Variants in UNC13C observed in about 807,000 individuals in gnomAD.
The protein encoded by UNC13C is protein unc-13 homolog C.
UNC13C carries 174 observed loss-of-function variants against 245.4 expected under a neutral mutation model. That is an observed-to-expected ratio of 0.71 (90% CI 0.63 to 0.80). UNC13C has a LOEUF of 0.80. UNC13C is among the 30% of genes least tolerant of loss of function. The probability of loss-of-function intolerance (pLI) is 0.00; values close to 1 mark genes in which losing one functional copy is unlikely to be tolerated. For missense variants in UNC13C, 2,829 were observed against 2,602.9 expected (o/e 1.09, Z -1.89); for synonymous variants, 992 against 895.1 (o/e 1.11, Z -1.93).
chr15:54,264,387 C>G lies in UNC13C; in HGVS notation c.3668C>G (p.Thr1223Ser), dbSNP rs1207085415. ...ACATCTAAGTGGTCTGCAAAAATAA[C>G]CATTACAGGTAAAAATAAGTCTTCT... ...DGTSKWSAKITITVVSAQGLQ... is the reference protein window; with the variant it reads ...DGTSKWSAKISITVVSAQGLQ... The change falls in exon 9 of 33, where the codon ACC (threonine) becomes AGC (serine). Residue 1223 changes from threonine to serine, a missense_variant. Physicochemically the swap from Thr to Ser is moderately conservative, Grantham distance 58. Coordinates refer to ENST00000260323, the MANE Select transcript of UNC13C (RefSeq NM_001080534.3). 6.3e-7 allele frequency: 1 copy of G among 1,585,070 alleles called. No homozygotes were observed. Among genetic ancestry groups the G allele is most frequent in the South Asian group, 1.2e-5 (1 of 86,632 alleles).
chr15:54,049,159 C>T (rs1897166961), intron 2 of UNC13C: 1 of 415,430 alleles, frequency 2.4e-6, no homozygotes, highest in East Asian at 6.2e-5. Flanking sequence ...TTTCCATCAT[C>T]TAATAGTTTT....
the UNC13C span, among the ~76,000 whole-genome samples, chr15:53,857,569 A>G: frequency 6.2e-4 from 95 of 152,142 alleles, no homozygotes; most frequent in Non-Finnish European, 1.3e-3. Context: ...GCTTTAGCAA[A>G]TTATTATTGC....
At chr15:54,499,343 C>G (rs1436359427) in intron 20 of UNC13C, among the ~76,000 whole-genome samples, 1 of 152,076 alleles carries the variant, frequency 6.6e-6, no homozygotes, top group African/African-American at 2.4e-5. Flanking sequence ...ATCAAAGCAC[C>G]TCCTACCAGG....
the UNC13C span, among the ~76,000 whole-genome samples, chr15:53,959,482 CT>C: frequency 6.6e-6 from 1 of 152,132 alleles, no homozygotes; most frequent in Non-Finnish European, 1.5e-5. Context: ...AATAGCCATT[CT>C]AACTAGCCTG....
chr15:54,525,412 C>CAA (rs75531604), intron 24 of UNC13C, 137 bp from the exon 25 acceptor site: 660 of 394,018 alleles, frequency 1.7e-3, no homozygotes, highest in South Asian at 2.3e-3. Flanking sequence ...TTTCAAAGAC[C>CAA]AAAAAAAAAA....
intron 22 of UNC13C, among the ~76,000 whole-genome samples, chr15:54,501,384 G>A (rs991568531): frequency 6.6e-6 from 1 of 152,086 alleles, no homozygotes; most frequent in East Asian, 1.9e-4. Flanking sequence ...ACTGATTTCT[G>A]ATTACAAATC....
At chr15:54,385,857 G>A (rs1390789269) in intron 17 of UNC13C, among the ~76,000 whole-genome samples, 1 of 151,984 alleles carries the variant, frequency 6.6e-6, no homozygotes, top group Non-Finnish European at 1.5e-5. Context: ...AATAAAAGGA[G>A]AAAAAAGAAT....
chr15:54,004,010 GAAACAAACAAACAAACA>G (rs917573268), intron 1 of UNC13C, among the ~76,000 whole-genome samples: 2 of 152,004 alleles, frequency 1.3e-5, no homozygotes, highest in East Asian at 1.9e-4. Context: ...GACTCCATCT[GAAACAAACAAACAAACA>G]AAACAAACAA....
rs199806956 is a variant in UNC13C, at chr15:54,182,049, G to A, written c.3071+38365G>A. 7.4e-3 allele frequency among the ~76,000 whole-genome samples: 910 copies of A among 122,582 alleles called. 51 individuals carry two copies. The East Asian group carries it at 0.13, about 17-fold the overall frequency. The allele number at this position is 122,582 out of a possible 152,430, so 80.4% of individuals were successfully genotyped here. ...ATTTTTTCTCTTGCCTGATTACTCT[G>A]ACCAGGACTTCTAGTACTATGTTGA... On this transcript the variant is annotated intron_variant, in intron 4 of 32. Coordinates refer to ENST00000260323, the MANE Select transcript of UNC13C (RefSeq NM_001080534.3).
intron 2 of UNC13C, among the ~76,000 whole-genome samples, chr15:54,129,927 T>TTA (rs1247620030): frequency 6.6e-6 from 1 of 151,612 alleles, no homozygotes; most frequent in Non-Finnish European, 1.5e-5. Flanking sequence ...GTTTTTTTTT[T>TTA]ATCTTCTTGA....
chr15:54,587,802 A>C (rs74014235), intron 30 of UNC13C, among the ~76,000 whole-genome samples: 224 of 152,326 alleles, frequency 1.5e-3, no homozygotes, highest in African/African-American at 4.9e-3. Flanking sequence ...TTTTTACTTT[A>C]TTCAGTCAAA....
At chr15:54,278,063 T>C (rs1375516490) in intron 10 of UNC13C, among the ~76,000 whole-genome samples, 1 of 152,094 alleles carries the variant, frequency 6.6e-6, no homozygotes, top group African/African-American at 2.4e-5. Flanking sequence ...AAAATAACTC[T>C]TATGTCAATG....
At chr15:54,342,971 T>C (rs2141012155) in intron 17 of UNC13C, among the ~76,000 whole-genome samples, 2 of 152,298 alleles carry the variant, frequency 1.3e-5, no homozygotes, top group Middle Eastern at 3.4e-3. Context: ...ACTTGTACTT[T>C]CCCATGAGTA....
chr15:54,002,610 G>A (rs1325189432), intron 1 of UNC13C, among the ~76,000 whole-genome samples: 1 of 152,186 alleles, frequency 6.6e-6, no homozygotes, highest in East Asian at 1.9e-4. Context: ...GCTAATGGAA[G>A]CTTTTGCTCT....
At chr15:54,548,208 CTTTT>C (rs60975842) in intron 27 of UNC13C, among the ~76,000 whole-genome samples, 8 of 61,924 alleles carry the variant, frequency 1.3e-4, no homozygotes, top group African/African-American at 2.6e-4. Flanking sequence ...GTTTCTTTTG[CTTTT>C]TTTTTTTTTT....
At chr15:54,301,289 G>GTTTTTTTTTTTTTTTTT (rs10548904) in intron 13 of UNC13C, among the ~76,000 whole-genome samples, 1 of 140,362 alleles carries the variant, frequency 7.1e-6, no homozygotes. Flanking sequence ...ATTTTCTTTT[G>GTTTTTTTTTTTTTTTTT]TTTTTTTTTT....
intron 19 of UNC13C, among the ~76,000 whole-genome samples, chr15:54,438,048 A>T (rs1479888347): frequency 6.6e-6 from 1 of 151,838 alleles, no homozygotes; most frequent in Admixed American, 6.6e-5. Flanking sequence ...ATACACTTCA[A>T]GTCATCATCA....
At position 54,013,514 on chromosome 15, in the gene UNC13C, A is replaced by G. The variant is rs767624876; in HGVS notation, c.611A>G (p.Lys204Arg). 3.7e-6 allele frequency: 6 copies of G among 1,613,942 alleles called. No individual in the cohort carries two copies. The Admixed American group carries it at 1.0e-4, about 27-fold the overall frequency. Residue 204 changes from lysine (K) to arginine (R), a missense_variant, in exon 2 of 33, where the codon AAA (lysine) becomes AGA (arginine). Coordinates refer to ENST00000260323, the MANE Select transcript of UNC13C (RefSeq NM_001080534.3). ...VSSDSELSTM[K>R]KSWGIRSKSL... ...TCAGACTCAGAGTTAAGCACCATGA[A>G]AAAATCCTGGGGAATAAGAAGTAAG...
In UNC13C at chr15:54,203,662, A is replaced by G. The variant is rs902499869; in HGVS notation, c.3072-31368A>G. Among the ~76,000 whole-genome samples the G allele has an allele frequency of 4.7e-5, 7 of 148,850 alleles. No individual in the cohort carries two copies. In the East Asian group the frequency reaches 1.4e-3, roughly 30 times the overall value. ...GGAATACTACTCAGTCATAATATAT[A>G]CATTTTCTTTATCCACTCGTGATTG... On this transcript the variant is annotated intron_variant, in intron 4 of 32. Coordinates refer to ENST00000260323, the MANE Select transcript of UNC13C (RefSeq NM_001080534.3).
Sources: allele counts gnomAD v4.1 joint callset (sites outside exome capture counted in the v4.1 genomes callset), GRCh38; gene constraint gnomAD v4.1.1; transcripts MANE v1.5; gene names NCBI Gene and HGNC (gene_info 2026-07-23, HGNC 2026-07-21).